Variants in SLC19A1 observed in about 807,000 individuals in gnomAD.
SLC19A1 encodes solute carrier family 19 member 1, also known as reduced folate transporter.
A neutral mutation model predicts 35.3 loss-of-function variants in SLC19A1; 37 were observed. The observed-to-expected ratio is 1.05, with a 90% CI of 0.81 to 1.38. SLC19A1 has a LOEUF of 1.38. Among genes scored for constraint, SLC19A1 ranks in the 40% most tolerant of loss-of-function variants. The pLI is 0.00. For missense variants in SLC19A1, 831 were observed against 826.9 expected, an observed-to-expected ratio of 1.00 and a Z score of -0.06; for synonymous variants, 460 against 398.5, an observed-to-expected ratio of 1.15 and a Z score of -1.84.
upstream of SLC19A1, among the ~76,000 whole-genome samples, chr21:45,545,262 G>A (rs559181600): frequency 1.2e-4 from 18 of 152,180 alleles, no homozygotes; most frequent in Non-Finnish European, 2.5e-4. Context: ...GGGAGGTGTT[G>A]GATCATGAGG....
chr21:45,505,864 C>T lies in SLC19A1; in HGVS notation c.498-7252G>A, dbSNP rs1383926697. The T allele has an allele frequency of 1.2e-6, 2 of 1,611,210 alleles. No homozygotes were observed. The highest frequency in any genetic ancestry group is 1.1e-5 in the South Asian group (1 of 91,072). ...TGAGGCTCTGGGCTACACGCCAGGC[C>T]ATGCTGGGCCAGGTGCACGAGGTTC... On this transcript the variant is annotated intron_variant, in intron 3 of 4. Transcript: ENST00000417954.
chr21:45,515,931 C>T lies in SLC19A1; in HGVS notation c.1503G>A (p.Pro501=), dbSNP rs750586898. The change falls in exon 6 of 6, where the codon CCG becomes CCA. Residue 501 remains proline (P), a synonymous_variant. Transcript: ENST00000311124. ...LGGLQPAQSP[P]LSPEDSLGAV... is the part of the protein sequence containing the mutation. ...CCCCCAGGCTGTCTTCTGGGGAAAG[C>T]GGCGGGCTCTGGGCTGGCTGCAGGC... 38 of 1,539,834 alleles carry T rather than the reference C, an allele frequency of 2.5e-5. No homozygotes were observed. The South Asian group carries it at 3.3e-4, about 13-fold the overall frequency.
chr21:45,519,570 CAAAAAAAAAAA>C (rs57639933), intron 5 of SLC19A1, among the ~76,000 whole-genome samples: 3 of 57,232 alleles, frequency 5.2e-5, no homozygotes, highest in East Asian at 4.5e-4. Context: ...AACTTCTGAG[CAAAAAAAAAAA>C]AAAAAAAAAA....
chr21:45,505,757 C>A, intron 3 of SLC19A1: 1 of 1,162,694 alleles, frequency 8.6e-7, no homozygotes, highest in Admixed American at 2.0e-5. Context: ...GCCCAGCACC[C>A]TGAAACGGGC....
upstream of SLC19A1, among the ~76,000 whole-genome samples, chr21:45,543,223 C>T (rs1321316813): frequency 6.6e-6 from 1 of 152,230 alleles, no homozygotes; most frequent in Admixed American, 6.5e-5. Flanking sequence ...GGGGCTGCGG[C>T]AGACAGCACC....
At position 45,532,654 on chromosome 21, in the gene SLC19A1, C is replaced by A. The variant is rs141155221; in HGVS notation, c.190-506G>T. On this transcript the variant is annotated intron_variant, in intron 2 of 5. Coordinates refer to ENST00000311124, the MANE Select transcript of SLC19A1 (RefSeq NM_194255.4). ...TTCACCATGTTGGGCAGGCTGGTCT[C>A]GAACTCCTGACCTCAGGTGATCTGC... 6.0e-3 allele frequency among the ~76,000 whole-genome samples: 913 copies of A among 152,224 alleles called. 6 individuals carry two copies. Among genetic ancestry groups the A allele is most frequent in the African/African-American group, 0.021 (883 of 41,518 alleles).
chr21:45,518,327 G>T (rs1220295034), intron 5 of SLC19A1, among the ~76,000 whole-genome samples: 1 of 151,954 alleles, frequency 6.6e-6, no homozygotes. Context: ...AAGAAAAAAT[G>T]GACTGAAAAA....
downstream of SLC19A1, among the ~76,000 whole-genome samples, chr21:45,509,074 G>C (rs748332278): frequency 2.0e-5 from 3 of 152,076 alleles, no homozygotes; most frequent in Non-Finnish European, 4.4e-5. Flanking sequence ...GCAAAGGAGA[G>C]GGCAGGTCAG....
chr21:45,504,704 G>A, intron 3 of SLC19A1: 2 of 720,510 alleles, frequency 2.8e-6, no homozygotes, highest in Admixed American at 2.7e-5. Context: ...GTCCCCGTGT[G>A]GGGACGCAGC....
At chr21:45,503,984 G>A (rs754603891) in intron 3 of SLC19A1, 68 of 1,613,020 alleles carry the variant, frequency 4.2e-5, no homozygotes, top group South Asian at 7.7e-5. Context: ...CCACCTCAGC[G>A]AGACCCCGCC....
intron 3 of SLC19A1, chr21:45,506,413 G>A: frequency 3.1e-6 from 1 of 323,770 alleles, no homozygotes; most frequent in South Asian, 2.6e-5. Context: ...GGGATGAAAT[G>A]CATCCTCTCT....
In SLC19A1 at chr21:45,530,608, C is replaced by T. The variant is rs58367352; in HGVS notation, c.1151+162G>A. Among the ~76,000 whole-genome samples the T allele has an allele frequency of 6.6e-6, 1 of 152,138 alleles. No individual in the cohort carries two copies. The highest frequency in any genetic ancestry group is 1.5e-5 in the Non-Finnish European group (1 of 67,990). ...GCACAGGAAGGGACGCCCGAGGTCCCAGGGAGAGGCAAGTGGGGACCCTGG... is the reference window on the plus strand; with the variant it reads ...GCACAGGAAGGGACGCCCGAGGTCCTAGGGAGAGGCAAGTGGGGACCCTGG... On this transcript the variant is annotated intron_variant, in intron 4 of 5. Coordinates refer to ENST00000311124, the MANE Select transcript of SLC19A1 (RefSeq NM_194255.4). This position sits in a 1 kb window ranked among gnomAD's most constrained non-coding sequence, Gnocchi z 5.3.
intron 1 of SLC19A1, 68 bp from the exon 2 acceptor site, chr21:45,538,076 A>C: frequency 1.1e-6 from 1 of 901,364 alleles, no homozygotes; most frequent in Admixed American, 3.5e-5. Flanking sequence ...CCGCAAAACG[A>C]GGCCCAGTGC....
intron 1 of SLC19A1, among the ~76,000 whole-genome samples, chr21:45,556,200 G>A (rs2078560141): frequency 6.6e-6 from 1 of 152,208 alleles, no homozygotes; most frequent in Admixed American, 6.5e-5. Flanking sequence ...GGGATGACCA[G>A]CAGAGGTCCT....
At chr21:45,504,243 C>T in intron 3 of SLC19A1, 1 of 886,442 alleles carries the variant, frequency 1.1e-6, no homozygotes. Flanking sequence ...TTTTGGGGGA[C>T]TCGGCTGATG....
rs1419362755 is a variant in SLC19A1, at chr21:45,531,536, G to A, written c.802C>T (p.Arg268Cys). ...AAGACCCACCAGAGGGACCACAGGC[G>A]CAGCTGCGGCCGCCGCAGGCTGTCC... Reference protein sequence around the residue: ...LGDSLRRPQLRLWSLWWVFNS... With the variant: ...LGDSLRRPQLCLWSLWWVFNS... The change falls in exon 3 of 6, where the codon CGC (arginine) becomes TGC (cysteine). Residue 268 changes from arginine (R) to cysteine (C), a missense_variant. By Grantham distance (180) the Arg-to-Cys change is radical. Transcript: ENST00000311124. 2 of 1,612,352 alleles carry A rather than the reference G, an allele frequency of 1.2e-6. No homozygotes were observed. Among genetic ancestry groups the A allele is most frequent in the Admixed American group, 1.7e-5 (1 of 59,960 alleles).
chr21:45,528,464 G>A lies in SLC19A1; in HGVS notation c.1151+2306C>T, dbSNP rs80064409. On this transcript the variant is annotated intron_variant, in intron 4 of 5. Transcript: ENST00000311124. The stretch of plus-strand genomic sequence containing the variant: ...CAGCAGGCCGGCCGGCCTCACTCTG[G>A]TTAAGGAAAGGCTGGGAGCCCAGCC... Among the ~76,000 whole-genome samples, 1,103 of 152,196 alleles carry A rather than the reference G, an allele frequency of 7.2e-3. 9 individuals are homozygous for A. The highest frequency in any genetic ancestry group is 0.023 in the African/African-American group (958 of 41,534).
chr21:45,555,212 G>GGCGCGGGGGGCGGC (rs1363906684), intron 1 of SLC19A1, among the ~76,000 whole-genome samples: 1 of 29,762 alleles, frequency 3.4e-5, no homozygotes, highest in Non-Finnish European at 6.2e-5. Context: ...CGCAGGGGGC[G>GGCGCGGGGGGCGGC]GTGGGGGGCG....
chr21:45,528,913 G>T (rs4818789), intron 4 of SLC19A1, among the ~76,000 whole-genome samples: 121,222 of 152,228 alleles, frequency 0.8, 48,828 homozygotes, highest in African/African-American at 0.93. Context: ...TGCACGCTGC[G>T]GCACCGTGTT....
Sources: gnomAD v4.1 joint callset for allele counts (sites outside exome capture counted in the v4.1 genomes callset) on GRCh38, gnomAD v4.1.1 for gene constraint, Gnocchi (gnomAD v3.1) non-coding constraint, MANE v1.5 for transcripts, NCBI Gene and HGNC (gene_info 2026-07-23, HGNC 2026-07-21) for gene names.